METTL15: variants seen among roughly 807,000 people sequenced by gnomAD.
The protein encoded by METTL15 is methyltransferase 15, mitochondrial 12S rRNA N4-cytidine.
A neutral mutation model predicts 38.3 loss-of-function variants in METTL15; 34 were observed. That is an observed-to-expected ratio of 0.89 (90% CI 0.68 to 1.18). METTL15 has a LOEUF of 1.18. METTL15 is among the 50% of genes most tolerant of loss of function. METTL15 has a pLI of 0.00. For synonymous variants in METTL15, 162 were observed against 170.9 expected (o/e 0.95, Z 0.41); for missense variants, 438 against 498.4 (o/e 0.88, Z 1.15).
chr11:28,117,460 A>G (rs944983235), intron 3 of METTL15, among the ~76,000 whole-genome samples: 3 of 152,006 alleles, frequency 2.0e-5, no homozygotes, highest in Non-Finnish European at 4.4e-5. Flanking sequence ...AAAACAAACA[A>G]AAACAAATTG....
intron 6 of METTL15, among the ~76,000 whole-genome samples, chr11:28,425,641 C>T (rs962950931): frequency 6.6e-6 from 1 of 152,170 alleles, no homozygotes; most frequent in Admixed American, 6.5e-5. Context: ...TAAGTGCTCT[C>T]ATAGCACCCG....
chr11:28,111,509 T>C (rs1851717765), intron 2 of METTL15, among the ~76,000 whole-genome samples: 1 of 152,186 alleles, frequency 6.6e-6, no homozygotes, highest in Non-Finnish European at 1.5e-5. Context: ...AATGAATCTA[T>C]GAGATATTAC....
At chr11:28,453,377 A>G (rs2133449489) in intron 6 of METTL15, among the ~76,000 whole-genome samples, 1 of 152,384 alleles carries the variant, frequency 6.6e-6, no homozygotes, top group South Asian at 2.1e-4. Context: ...AGAGAGCAAC[A>G]GCAAATGGAA....
chr11:28,234,774 T>C (rs1590198022), intron 4 of METTL15, among the ~76,000 whole-genome samples: 4 of 142,540 alleles, frequency 2.8e-5, no homozygotes, highest in African/African-American at 1.1e-4. Flanking sequence ...ACTCTGATGG[T>C]AGTTTCTTTT....
chr11:28,305,029 T>C (rs1857034433), intron 6 of METTL15, among the ~76,000 whole-genome samples: 1 of 152,184 alleles, frequency 6.6e-6, no homozygotes, highest in South Asian at 2.1e-4. Flanking sequence ...TTACACTTAT[T>C]CTTTTGTCAT....
intron 6 of METTL15, among the ~76,000 whole-genome samples, chr11:28,303,281 T>C (rs1042211853): frequency 3.3e-5 from 5 of 152,166 alleles, no homozygotes; most frequent in African/African-American, 1.2e-4. Context: ...TTTCTCATCT[T>C]AAACTGGAGG....
intron 6 of METTL15, among the ~76,000 whole-genome samples, chr11:28,452,679 G>T (rs1851133167): frequency 6.6e-6 from 1 of 152,120 alleles, no homozygotes; most frequent in South Asian, 2.1e-4. Context: ...ATTCAATTTT[G>T]TCCCTGCTAC....
chr11:28,283,259 TGA>T (rs1488871671), intron 4 of METTL15, among the ~76,000 whole-genome samples: 1 of 152,178 alleles, frequency 6.6e-6, no homozygotes. Flanking sequence ...CCAGCAGCCC[TGA>T]TTCTACATAA....
intron 6 of METTL15, among the ~76,000 whole-genome samples, chr11:28,526,172 C>T (rs1484594404): frequency 2.6e-5 from 4 of 152,234 alleles, no homozygotes; most frequent in Non-Finnish European, 5.9e-5. Flanking sequence ...TCTCCCGCCA[C>T]ACCTCCTGGC....
At chr11:28,287,558 C>A (rs1856330768) in intron 4 of METTL15, 1 of 284,440 alleles carries the variant, frequency 3.5e-6, no homozygotes, top group South Asian at 3.9e-5. Flanking sequence ...ATAAGAACCT[C>A]ATTTGCCTCT....
chr11:28,201,110 T>A (rs568051440), intron 3 of METTL15, among the ~76,000 whole-genome samples: 2 of 152,308 alleles, frequency 1.3e-5, no homozygotes, highest in South Asian at 4.1e-4. Context: ...TGAGAGTTTT[T>A]AACATGAAGC....
chr11:28,253,626 T>G (rs1369404513), intron 4 of METTL15, among the ~76,000 whole-genome samples: 3 of 20,222 alleles, frequency 1.5e-4, no homozygotes, highest in Non-Finnish European at 3.1e-4. Flanking sequence ...TCTCCTACCC[T>G]CCCTCCCCCC....
intron 3 of METTL15, among the ~76,000 whole-genome samples, chr11:28,182,733 A>G (rs552715292): frequency 1.3e-5 from 2 of 152,114 alleles, no homozygotes; most frequent in Admixed American, 1.3e-4. Flanking sequence ...TGTCTTGGCT[A>G]TGCGGGGTCT....
chr11:28,430,318 G>A (rs1850907914), intron 6 of METTL15, among the ~76,000 whole-genome samples: 1 of 117,896 alleles, frequency 8.5e-6, no homozygotes, highest in African/African-American at 3.0e-5. Flanking sequence ...CCATCCGGGA[G>A]GGAGGTGAGG....
intron 4 of METTL15, among the ~76,000 whole-genome samples, chr11:28,235,087 G>C (rs917605857): frequency 6.6e-6 from 1 of 152,058 alleles, no homozygotes; most frequent in Admixed American, 6.6e-5. Context: ...TCTTGTTTTT[G>C]TCAGGTTTGT....
In METTL15 at chr11:28,113,600, G is replaced by T. The variant is rs747196581; in HGVS notation, c.266G>T (p.Gly89Val). Residue 89 changes from glycine (G) to valine (V), a missense_variant, in exon 3 of 7, where the codon GGA (glycine) becomes GTA (valine). Transcript: ENST00000407364. Reference sequence around the variant, plus strand: ...GTTCATTGTTTGTCACCACAAAAAGGACAGGTGAGTTGAATTTTTATTTTT... The same window carrying T: ...GTTCATTGTTTGTCACCACAAAAAGTACAGGTGAGTTGAATTTTTATTTTT... The part of the protein sequence containing the change: ...EVVHCLSPQK[G>V]QIFLDMTFGS... The T allele has an allele frequency of 6.2e-7, 1 of 1,603,052 alleles. No individual in the cohort carries two copies. The highest frequency in any genetic ancestry group is 8.5e-7 in the Non-Finnish European group (1 of 1,174,982).
intron 4 of METTL15, among the ~76,000 whole-genome samples, chr11:28,263,865 A>C (rs767842910): frequency 6.6e-6 from 1 of 151,882 alleles, no homozygotes; most frequent in African/African-American, 2.4e-5. Context: ...GTATTCTGTC[A>C]TATATTGCCC....
chr11:28,237,328 C>T (rs891498808), intron 4 of METTL15, among the ~76,000 whole-genome samples: 1 of 151,984 alleles, frequency 6.6e-6, no homozygotes, highest in Non-Finnish European at 1.5e-5. Flanking sequence ...TCTAAACTTC[C>T]CTTCTCGCTT....
At chr11:28,116,618 GGTGTA>G (rs1340432540) in intron 3 of METTL15, among the ~76,000 whole-genome samples, 2 of 152,118 alleles carry the variant, frequency 1.3e-5, no homozygotes, top group Non-Finnish European at 2.9e-5. Flanking sequence ...ATATGTATAA[GGTGTA>G]CTACAATGGC....
Sources: allele counts gnomAD v4.1 joint callset (sites outside exome capture counted in the v4.1 genomes callset), GRCh38; gene constraint gnomAD v4.1.1; transcripts MANE v1.5; gene names NCBI Gene and HGNC (gene_info 2026-07-23, HGNC 2026-07-21).